DHTKD1: variants seen among roughly 807,000 people sequenced by gnomAD.
The protein encoded by DHTKD1 is dehydrogenase E1 and transketolase domain containing 1, also known as 2-oxoadipate dehydrogenase complex component E1.
A neutral mutation model predicts 101.8 loss-of-function variants in DHTKD1; 78 were observed. That is an observed-to-expected ratio of 0.77 (90% CI 0.64 to 0.93). The LOEUF is 0.93. Ranked by LOEUF, DHTKD1 falls within the 40% of genes least tolerant of loss-of-function variation. DHTKD1 has a pLI of 0.00. For synonymous variants in DHTKD1, 462 were observed against 450.3 expected (o/e 1.03, Z -0.33); for missense variants, 1,223 against 1,161.7 (o/e 1.05, Z -0.77).
chr10:12,080,846 C>A (rs527490929), intron 1 of DHTKD1, among the ~76,000 whole-genome samples: 2 of 151,802 alleles, frequency 1.3e-5, no homozygotes, highest in Non-Finnish European at 2.9e-5. Context: ...ATGAGTGAAT[C>A]GCTTGAGCTC....
chr10:12,097,141 A>G (rs1243999268), intron 7 of DHTKD1, among the ~76,000 whole-genome samples: 4 of 152,154 alleles, frequency 2.6e-5, no homozygotes, highest in Non-Finnish European at 5.9e-5. Flanking sequence ...ATAATATAAA[A>G]TTGGCTGTCT....
intron 4 of DHTKD1, among the ~76,000 whole-genome samples, chr10:12,088,658 A>T (rs1471683853): frequency 6.6e-6 from 1 of 151,978 alleles, no homozygotes; most frequent in Non-Finnish European, 1.5e-5. Context: ...ATCTCGGCTC[A>T]CTGCAACCTC....
chr10:12,093,200 C>T (rs899475021), intron 6 of DHTKD1, among the ~76,000 whole-genome samples: 1 of 152,114 alleles, frequency 6.6e-6, no homozygotes, highest in Non-Finnish European at 1.5e-5. Context: ...TCCACCACCA[C>T]ACCCAGCTAA....
chr10:12,069,120 C>G lies in DHTKD1; in HGVS notation c.87C>G (p.Gly29=), dbSNP rs1268944844. The change falls in exon 1 of 17, where the codon GGC becomes GGG. Residue 29 remains glycine (G), a synonymous_variant. Transcript: ENST00000263035. The part of the protein sequence containing the change: ...LFWRGYQTER[G]VYGYRPRKPE... ...GGCGTGGCTACCAGACCGAGCGGGG[C>G]GTTTACGGCTACCGGCCGAGGAAGC... The G allele has an allele frequency of 6.2e-7, 1 of 1,607,514 alleles. No individual in the cohort carries two copies. Among genetic ancestry groups the G allele is most frequent in the Non-Finnish European group, 8.5e-7 (1 of 1,178,030 alleles).
chr10:12,082,582 G>C (rs1189889014), intron 2 of DHTKD1, among the ~76,000 whole-genome samples: 3 of 151,424 alleles, frequency 2.0e-5, no homozygotes, highest in Non-Finnish European at 4.4e-5. Context: ...GGGGTTACCT[G>C]GGCTTTGCAA....
rs772738320 is a variant in DHTKD1 at position 12,091,563 on chromosome 10, C to G, written c.1038C>G (p.Phe346Leu). The G allele has an allele frequency of 5.0e-6, 8 of 1,612,836 alleles. No individual in the cohort carries two copies. Among genetic ancestry groups the G allele is most frequent in the Non-Finnish European group, 5.1e-6 (6 of 1,179,868 alleles). Residue 346 changes from phenylalanine (F) to leucine (L), a missense_variant, in exon 6 of 17, where the codon TTC becomes TTG. Phe to Leu is a conservative substitution (Grantham distance 22). Transcript: ENST00000263035. The stretch of plus-strand genomic sequence containing the variant: ...GTCAAGGGATTGTTCCTGAAACATT[C>G]ACGCTGTCCAATCTCCCACATTTCA... ...FCGQGIVPET[F>L]TLSNLPHFRI...
rs745636733 is a variant in DHTKD1, at chr10:12,117,723, G to A, written c.2370G>A (p.Pro790=). Residue 790 remains proline, a synonymous_variant, in exon 14 of 17, where the codon CCG becomes CCA. Transcript: ENST00000263035. ...QEMAPGTTFN[P]VIGDSSVDPK... ...TGGCACCAGGAACAACATTTAACCC[G>A]GTCATTGGTGATTCATCTGTGGATC... 61 of 1,604,602 alleles carry A rather than the reference G, an allele frequency of 3.8e-5. No homozygotes were observed. Among genetic ancestry groups the A allele is most frequent in the Non-Finnish European group, 4.5e-5 (53 of 1,174,658 alleles).
chr10:12,101,583 G>A (rs1055347045), intron 10 of DHTKD1, among the ~76,000 whole-genome samples: 12 of 152,106 alleles, frequency 7.9e-5, no homozygotes, highest in African/African-American at 2.4e-4. Flanking sequence ...TTGGCTTGAC[G>A]AATGTACACA....
chr10:12,120,694 G>A, intron 16 of DHTKD1, 93 bp from the exon 17 acceptor site: 2 of 1,074,404 alleles, frequency 1.9e-6, no homozygotes, highest in Non-Finnish European at 2.8e-6. Flanking sequence ...GGTTAAACAA[G>A]CTAAGAGAAA....
At chr10:12,117,972 C>G (rs12414121) in intron 14 of DHTKD1, among the ~76,000 whole-genome samples, 11,812 of 151,934 alleles carry the variant, frequency 0.078, 589 homozygotes, top group Non-Finnish European at 0.12. Flanking sequence ...TCTATGCAAC[C>G]TCCGCCTCCC....
intron 10 of DHTKD1, among the ~76,000 whole-genome samples, chr10:12,102,209 C>T (rs903380324): frequency 4.0e-5 from 6 of 151,876 alleles, no homozygotes; most frequent in South Asian, 2.1e-4. Flanking sequence ...GCAGATCACA[C>T]GGTCAAGAGA....
intron 13 of DHTKD1, among the ~76,000 whole-genome samples, chr10:12,114,664 G>A (rs1333594532): frequency 1.3e-5 from 2 of 152,124 alleles, no homozygotes; most frequent in African/African-American, 2.4e-5. Flanking sequence ...TTAGAATTTG[G>A]CCATTCAAGA....
At chr10:12,106,977 TTTTTC>T (rs1833259024) in intron 11 of DHTKD1, among the ~76,000 whole-genome samples, 3 of 151,682 alleles carry the variant, frequency 2.0e-5, no homozygotes, top group Admixed American at 6.6e-5. Flanking sequence ...CTGCCCATTC[TTTTTC>T]TTTTCTTTTT....
rs774720865 is a variant in DHTKD1, at chr10:12,087,555, C to T, written c.543C>T (p.Ala181=). 5 of 1,602,526 alleles carry T rather than the reference C, an allele frequency of 3.1e-6. No individual in the cohort carries two copies. The highest frequency in any genetic ancestry group is 1.1e-5 in the South Asian group (1 of 89,310). The change falls in exon 4 of 17, where the codon GCC becomes GCT. Residue 181 remains alanine (A), a synonymous_variant. Coordinates refer to ENST00000263035, the MANE Select transcript of DHTKD1 (RefSeq NM_018706.7). This position sits in a 1 kb window ranked among gnomAD's most constrained non-coding sequence, Gnocchi z 5.2. ...LESQEFDHFL[A]TKFSTVKRYG... ...TGCAGGAGTTTGACCACTTTCTGGC[C>T]ACCAAGTTCTCGACAGTGAAGCGAT...
rs1832818933 is a variant in DHTKD1 at position 12,081,543 on chromosome 10, C to T, written c.226C>T (p.Leu76Phe). The T allele has an allele frequency of 6.2e-7, 1 of 1,614,154 alleles. No individual in the cohort carries two copies. The highest frequency in any genetic ancestry group is 1.1e-5 in the South Asian group (1 of 91,086). The change falls in exon 2 of 17, where the codon CTC becomes TTC. Residue 76 changes from leucine (L) to phenylalanine (F), a missense_variant. By Grantham distance (22) the Leu-to-Phe change is conservative (BLOSUM62 0). Transcript: ENST00000263035. ...HGHKAAKINP[L>F]FTGQALLENV... ...TCATAAAGCTGCCAAAATCAACCCCCTCTTCACCGGACAAGCCCTGCTGGA... is the reference window on the plus strand; with the variant it reads ...TCATAAAGCTGCCAAAATCAACCCCTTCTTCACCGGACAAGCCCTGCTGGA...
At chr10:12,113,135 A>G (rs377170593) in intron 13 of DHTKD1, 71 bp downstream of exon 13, 36 of 1,271,160 alleles carry the variant, frequency 2.8e-5, no homozygotes, top group South Asian at 2.5e-4. Context: ...CCTATTTTCC[A>G]TATCTAATTA....
At chr10:12,069,270 TCGGGGAACCGGC>T in intron 1 of DHTKD1, 83 bp downstream of exon 1, 4 of 928,210 alleles carry the variant, frequency 4.3e-6, no homozygotes, top group East Asian at 6.7e-5. Flanking sequence ...GGTGTCGGGG[TCGGGGAACCGGC>T]TGCCGGCCTG....
intron 11 of DHTKD1, 109 bp downstream of exon 11, chr10:12,106,505 G>C (rs1317499812): frequency 1.4e-6 from 2 of 1,398,742 alleles, no homozygotes; most frequent in Non-Finnish European, 2.0e-6. Flanking sequence ...ACTCCCGTGT[G>C]CGGCGGCGCC....
chr10:12,107,809 G>T lies in DHTKD1; in HGVS notation c.2048-100G>T, dbSNP rs72779653. The stretch of plus-strand genomic sequence containing the variant: ...CATGTAATGAAAGCAGTTTTGGGGG[G>T]CCAGGCAGAAAACTAACATTGATTT... On this transcript the variant is annotated intron_variant, in intron 11 of 16. Transcript: ENST00000263035. This position sits in a 1 kb window ranked among gnomAD's most constrained non-coding sequence, Gnocchi z 4.1. The T allele has an allele frequency of 0.091, 67,444 of 739,074 alleles. 3,683 individuals are homozygous for T. Among genetic ancestry groups the T allele is most frequent in the Non-Finnish European group, 0.11 (48,941 of 428,914 alleles). The allele number at this position is 739,074 out of a possible 1,614,324, so 45.8% of individuals were successfully genotyped here.
Sources: allele counts gnomAD v4.1 joint callset (sites outside exome capture counted in the v4.1 genomes callset), GRCh38; gene constraint gnomAD v4.1.1; non-coding constraint Gnocchi (gnomAD v3.1); transcripts MANE v1.5; gene names NCBI Gene and HGNC (gene_info 2026-07-23, HGNC 2026-07-21).